Variants in ZNF536 observed in about 807,000 individuals in gnomAD.
ZNF536 encodes the protein zinc finger protein 536.
In ZNF536, 13 loss-of-function variants were observed where a neutral mutation model predicts 84.5. The observed-to-expected ratio is 0.15, with a 90% CI of 0.10 to 0.24. ZNF536 has a LOEUF of 0.24. ZNF536 is among the 10% of genes least tolerant of loss of function. ZNF536 has a pLI of 1.00. For synonymous variants in ZNF536, 811 were observed against 742.5 expected (o/e 1.09, Z -1.50); for missense variants, 1,536 against 1,747.5 (o/e 0.88, Z 2.16).
intron 1 of ZNF536, among the ~76,000 whole-genome samples, chr19:30,258,039 C>A (rs2025002488): frequency 6.6e-6 from 1 of 152,164 alleles, no homozygotes; most frequent in African/African-American, 2.4e-5. Context: ...CCTCTTTGGT[C>A]CTCATGGGGG....
At chr19:30,590,944 G>A (rs575279608) in intron 1 of ZNF536, among the ~76,000 whole-genome samples, 51 of 152,388 alleles carry the variant, frequency 3.3e-4, no homozygotes, top group African/African-American at 1.2e-3. Context: ...CCTGCAGAAA[G>A]GAGAAGACCA....
intron 1 of ZNF536, among the ~76,000 whole-genome samples, chr19:30,424,378 A>G (rs1448638140): frequency 6.6e-6 from 1 of 152,170 alleles, no homozygotes; most frequent in Non-Finnish European, 1.5e-5. Flanking sequence ...CCGAGGGAGC[A>G]CAGGGAATGA....
At position 30,656,326 on chromosome 19, in the gene ZNF536, T is replaced by A. The variant is rs535501450; in HGVS notation, c.170-54431T>A. 7.9e-5 allele frequency among the ~76,000 whole-genome samples: 12 copies of A among 152,342 alleles called. No individual in the cohort carries two copies. In the South Asian group the frequency reaches 1.7e-3, roughly 21 times the overall value. On this transcript the variant is annotated intron_variant, in intron 1 of 1. Transcript: ENST00000592773. ...GCTTTTTGGAGCACATACTGGAATA[T>A]GGCAGTGCCGGACCATTTTCCATCA...
At chr19:30,351,562 T>C (rs1195278715) in intron 2 of ZNF536, among the ~76,000 whole-genome samples, 2 of 152,258 alleles carry the variant, frequency 1.3e-5, no homozygotes, top group Non-Finnish European at 2.9e-5. Flanking sequence ...TTACAAGCAA[T>C]TTATCATTTT....
At chr19:30,484,379 G>A (rs988542007) in intron 2 of ZNF536, among the ~76,000 whole-genome samples, 6 of 146,358 alleles carry the variant, frequency 4.1e-5, no homozygotes, top group Admixed American at 1.4e-4. Context: ...GGCACCCACC[G>A]TCATGCCCAG....
chr19:30,231,207 T>C (rs1415823792), intron 1 of ZNF536, among the ~76,000 whole-genome samples: 2 of 152,216 alleles, frequency 1.3e-5, no homozygotes, highest in Non-Finnish European at 2.9e-5. Flanking sequence ...TTTGTCCATA[T>C]GAAGGAGAGA....
rs2148168454 is a variant in ZNF536, at chr19:30,444,099, C to G, written c.537C>G (p.Thr179=). The G allele has an allele frequency of 6.2e-7, 1 of 1,612,454 alleles. No homozygotes were observed. Among genetic ancestry groups the G allele is most frequent in the Non-Finnish European group, 8.5e-7 (1 of 1,179,366 alleles). The change falls in exon 2 of 5, where the codon ACC becomes ACG. Residue 179 remains threonine (T), a synonymous_variant. Transcript: ENST00000355537. ...GGAACCTCAAGATTCACCTGCGGACCCACAAGCTGGGCAACCTGGGCAAGG... is the reference window on the plus strand; with the variant it reads ...GGAACCTCAAGATTCACCTGCGGACGCACAAGCTGGGCAACCTGGGCAAGG... ...QKGNLKIHLR[T]HKLGNLGKGR...
At chr19:30,700,215 T>TCCTTCTTTCTTC (rs2051862774) in intron 1 of ZNF536, among the ~76,000 whole-genome samples, 1 of 104,528 alleles carries the variant, frequency 9.6e-6, no homozygotes, top group Non-Finnish European at 2.2e-5. Flanking sequence ...TTTCTTTCCT[T>TCCTTCTTTCTTC]CTTTCTTTCT....
chr19:30,244,805 G>A (rs1325464930), intron 1 of ZNF536, among the ~76,000 whole-genome samples: 1 of 152,186 alleles, frequency 6.6e-6, no homozygotes, highest in Non-Finnish European at 1.5e-5. Context: ...TTGCAAGGAG[G>A]GCAGCATTTG....
At chr19:30,299,334 A>C (rs1428083249) in intron 2 of ZNF536, among the ~76,000 whole-genome samples, 2 of 152,156 alleles carry the variant, frequency 1.3e-5, no homozygotes, top group African/African-American at 4.8e-5. Flanking sequence ...ATCTTGCATG[A>C]ATATTCTTTT....
intron 2 of ZNF536, among the ~76,000 whole-genome samples, chr19:30,462,294 G>C (rs377129009): frequency 7.1e-6 from 1 of 140,424 alleles, no homozygotes; most frequent in Non-Finnish European, 1.5e-5. Flanking sequence ...TTGTGATTTT[G>C]TGTGTGTGAG....
At chr19:30,566,759 C>G (rs974601139) in intron 1 of ZNF536, among the ~76,000 whole-genome samples, 3 of 151,636 alleles carry the variant, frequency 2.0e-5, no homozygotes, top group Non-Finnish European at 2.9e-5. Flanking sequence ...GGAGTGGCCT[C>G]TCCGGGCAGT....
intron 1 of ZNF536, among the ~76,000 whole-genome samples, chr19:30,400,119 A>G (rs748738671): frequency 6.7e-5 from 10 of 149,828 alleles, no homozygotes; most frequent in Non-Finnish European, 1.3e-4. Context: ...TCATTTCACT[A>G]TTCTCCTATT....
At chr19:30,321,887 C>T (rs1259168601) in intron 2 of ZNF536, among the ~76,000 whole-genome samples, 3 of 151,878 alleles carry the variant, frequency 2.0e-5, no homozygotes, top group African/African-American at 7.3e-5. Context: ...AATCAATTCT[C>T]CGCCTCAGCT....
At chr19:30,369,105 A>C (rs1364734142), upstream of ZNF536, among the ~76,000 whole-genome samples, 1 of 152,142 alleles carries the variant, frequency 6.6e-6, no homozygotes, top group Non-Finnish European at 1.5e-5. Flanking sequence ...GCTCTTTGGA[A>C]CTGAGGTGCT....
rs77386962 is a variant in ZNF536, at chr19:30,508,525, T to G, written c.2171-26322T>G. ...ATGTGAGGCAGGTTTGATTTAATGA[T>G]CCGGGCCATGAGACTGTGAGTCTTT... On this transcript the variant is annotated intron_variant, in intron 2 of 4. Coordinates refer to ENST00000355537, the MANE Select transcript of ZNF536 (RefSeq NM_014717.3). Among the ~76,000 whole-genome samples, 439 of 152,082 alleles carry G rather than the reference T, an allele frequency of 2.9e-3. 11 individuals carry two copies. The East Asian group carries it at 0.07, about 24-fold the overall frequency.
chr19:30,518,586 G>T (rs2044187073), intron 2 of ZNF536, among the ~76,000 whole-genome samples: 1 of 152,252 alleles, frequency 6.6e-6, no homozygotes, highest in African/African-American at 2.4e-5. Flanking sequence ...ATCCCAGGAT[G>T]ATGTGCGTGT....
At chr19:30,407,771 TG>T (rs1228110884) in intron 1 of ZNF536, among the ~76,000 whole-genome samples, 1 of 152,256 alleles carries the variant, frequency 6.6e-6, no homozygotes, top group Non-Finnish European at 1.5e-5. Flanking sequence ...CTGAATTTAA[TG>T]TATTCTTCTG....
At chr19:30,568,724 G>A (rs900921435) in intron 1 of ZNF536, among the ~76,000 whole-genome samples, 11 of 152,200 alleles carry the variant, frequency 7.2e-5, no homozygotes, top group Non-Finnish European at 1.5e-4. Flanking sequence ...GCCATGCTCT[G>A]GGGCAGCCGA....
Sources: gnomAD v4.1 joint callset for allele counts (sites outside exome capture counted in the v4.1 genomes callset) on GRCh38, gnomAD v4.1.1 for gene constraint, MANE v1.5 for transcripts, NCBI Gene and HGNC (gene_info 2026-07-23, HGNC 2026-07-21) for gene names.